KIAA1671: variants seen among roughly 807,000 people sequenced by gnomAD.
KIAA1671 encodes the protein KIAA1671, also known as uncharacterized protein KIAA1671.
KIAA1671 carries 52 observed loss-of-function variants against 131.2 expected under a neutral mutation model. That is an observed-to-expected ratio of 0.40 (90% CI 0.32 to 0.50). KIAA1671 has a LOEUF of 0.50. Among genes scored for constraint, KIAA1671 ranks in the 20% least tolerant of loss-of-function variants. The pLI is 0.73. For synonymous variants in KIAA1671, 1,003 were observed against 961.6 expected, an observed-to-expected ratio of 1.04 and a Z score of -0.80; for missense variants, 2,360 against 2,364.2, an observed-to-expected ratio of 1.00 and a Z score of 0.04.
chr22:25,178,168 C>T (rs905238265), intron 9 of KIAA1671, among the ~76,000 whole-genome samples: 2 of 152,248 alleles, frequency 1.3e-5, no homozygotes. Context: ...CCTCCCCCAC[C>T]GCCGTCCTCC....
Position 25,040,925 on chromosome 22 carries a change from T to C in KIAA1671, c.3795T>C (p.Ser1265=). 5 of 1,493,002 alleles carry C rather than the reference T, an allele frequency of 3.3e-6. No homozygotes were observed. Among genetic ancestry groups the C allele is most frequent in the Non-Finnish European group, 4.5e-6 (5 of 1,121,344 alleles). The allele number at this position is 1,493,002 out of a possible 1,614,324, so 92.5% of individuals were successfully genotyped here. The change falls in exon 5 of 13, where the codon TCT becomes TCC. Residue 1265 remains serine (S), a synonymous_variant. Coordinates refer to ENST00000358431, the MANE Select transcript of KIAA1671 (RefSeq NM_001145206.2). ...GGGGTCTCTGGAAACCGGCCAGTTC[T>C]GCCGAAATAAATCACAGTTTCACTC... ...DTGGLWKPAS[S]AEINHSFTPG...
chr22:25,159,374 C>A (rs1018504993), intron 6 of KIAA1671, among the ~76,000 whole-genome samples: 3 of 152,152 alleles, frequency 2.0e-5, no homozygotes, highest in African/African-American at 7.2e-5. Context: ...CGATGTAGGA[C>A]CTTCCCCGGG....
chr22:25,001,589 T>C lies in KIAA1671; in HGVS notation c.-207-24044T>C, dbSNP rs887903990. 1.3e-5 allele frequency among the ~76,000 whole-genome samples: 2 copies of C among 152,114 alleles called. 1 individual carries two copies. ...GGGGGAGATTGGCCCCAGGGGTAGA[T>C]GCAGGGAAGTGGGGGATGTGGAGAT... is the stretch of plus-strand genomic sequence containing the variant. On this transcript the variant is annotated intron_variant, in intron 1 of 12. Coordinates refer to ENST00000358431, the MANE Select transcript of KIAA1671 (RefSeq NM_001145206.2).
At chr22:24,974,264 G>A (rs757969977) in intron 1 of KIAA1671, among the ~76,000 whole-genome samples, 3 of 152,144 alleles carry the variant, frequency 2.0e-5, no homozygotes, top group South Asian at 2.1e-4. Context: ...CATTGGGCAG[G>A]TCTCACCCCC....
At chr22:25,191,552 A>G (rs577614898) in intron 12 of KIAA1671, among the ~76,000 whole-genome samples, 3 of 152,338 alleles carry the variant, frequency 2.0e-5, no homozygotes, top group Admixed American at 1.3e-4. Flanking sequence ...TTACGATTAG[A>G]TAGGCCCTGG....
intron 1 of KIAA1671, among the ~76,000 whole-genome samples, chr22:24,956,638 G>A (rs1005849233): frequency 6.6e-6 from 1 of 151,662 alleles, no homozygotes; most frequent in Middle Eastern, 3.4e-3. Context: ...AGGCCGAGGC[G>A]GATGGATCAC....
At chr22:25,075,021 T>TCGCC (rs1929030966) in intron 6 of KIAA1671, among the ~76,000 whole-genome samples, 1 of 152,234 alleles carries the variant, frequency 6.6e-6, no homozygotes, top group Non-Finnish European at 1.5e-5. Context: ...TGTATACCCT[T>TCGCC]CGCCCGGTTC....
chr22:24,991,541 G>A (rs1327470417), intron 1 of KIAA1671, among the ~76,000 whole-genome samples: 1 of 148,354 alleles, frequency 6.7e-6, no homozygotes, highest in East Asian at 2.0e-4. Flanking sequence ...ACTGCAAGCT[G>A]TACCTCTGGG....
intron 6 of KIAA1671, among the ~76,000 whole-genome samples, chr22:25,093,743 T>A (rs1256553089): frequency 7.3e-4 from 86 of 118,328 alleles, no homozygotes; most frequent in East Asian, 4.1e-3. Context: ...ACACACTCTC[T>A]CTCTCTCTCT....
At position 24,957,965 on chromosome 22, in the gene KIAA1671, C is replaced by CTTT. The variant is rs140702390; in HGVS notation, c.-208+5212_-208+5214dup. 8.8e-3 allele frequency among the ~76,000 whole-genome samples: 1,010 copies of CTTT among 114,418 alleles called. 25 individuals are homozygous for CTTT. Among genetic ancestry groups the CTTT allele is most frequent in the African/African-American group, 0.03 (848 of 27,808 alleles). The allele number at this position is 114,418 out of a possible 152,430, so 75.1% of individuals were successfully genotyped here. ...AGTGCTGGGATTACAGGCACCCGGC[C>CTTT]TTTTTTTTTTTTTTTTTTTTTAATA... On this transcript the variant is annotated intron_variant, in intron 1 of 12. Transcript: ENST00000358431.
At chr22:25,123,171 G>A (rs553716169) in intron 6 of KIAA1671, among the ~76,000 whole-genome samples, 93 of 146,030 alleles carry the variant, frequency 6.4e-4, no homozygotes, top group African/African-American at 1.9e-3. Flanking sequence ...AGAATACATG[G>A]CATCACTTCT....
At chr22:24,991,642 T>TTC (rs1923846958) in intron 1 of KIAA1671, among the ~76,000 whole-genome samples, 1 of 149,286 alleles carries the variant, frequency 6.7e-6, no homozygotes, top group South Asian at 2.1e-4. Flanking sequence ...TTTTTTTTTT[T>TTC]AGTAGAGACA....
chr22:25,197,355 G>A lies in KIAA1671; in HGVS notation c.*4954G>A, dbSNP rs1228039015. The A allele has an allele frequency of 6.6e-6, 1 of 152,234 alleles. No homozygotes were observed. The highest frequency in any genetic ancestry group is 1.5e-5 in the Non-Finnish European group (1 of 68,050). 9.4% of individuals were successfully genotyped at this position (152,234 alleles called of 1,614,324 possible). A position where few individuals can be genotyped will look rare whatever the true frequency, so the allele number is the denominator to read the frequency against. On this transcript the variant is annotated 3_prime_UTR_variant, in exon 13 of 13. Transcript: ENST00000358431. The stretch of plus-strand genomic sequence containing the variant: ...AGAGCAGTTGGAAATCTGGTCGACT[G>A]CAATAAAACAAGATGACCTTTGCAT...
intron 1 of KIAA1671, among the ~76,000 whole-genome samples, chr22:24,985,488 C>T (rs894659190): frequency 3.0e-4 from 46 of 152,056 alleles, no homozygotes; most frequent in Admixed American, 2.2e-3. Context: ...TACAGGCGCC[C>T]GCCACCGCGC....
intron 6 of KIAA1671, among the ~76,000 whole-genome samples, chr22:25,143,969 G>C (rs759002617): frequency 1.3e-5 from 2 of 151,634 alleles, no homozygotes; most frequent in Non-Finnish European, 2.9e-5. Context: ...CCAGGAGTTC[G>C]AGACCAGCCT....
At chr22:25,098,906 G>A (rs954760952) in intron 6 of KIAA1671, among the ~76,000 whole-genome samples, 1 of 152,210 alleles carries the variant, frequency 6.6e-6, no homozygotes, top group African/African-American at 2.4e-5. Flanking sequence ...AGCAAGGTAT[G>A]TGAGAACAGA....
chr22:24,969,675 A>G (rs1418121518), intron 1 of KIAA1671, among the ~76,000 whole-genome samples: 4 of 152,210 alleles, frequency 2.6e-5, no homozygotes, highest in Non-Finnish European at 4.4e-5. Context: ...CACACTCTGC[A>G]TACATACATA....
intron 9 of KIAA1671, chr22:25,179,460 G>T (rs1424731944): frequency 6.2e-7 from 1 of 1,613,268 alleles, no homozygotes; most frequent in Non-Finnish European, 8.5e-7. Context: ...TCCGCCTGGC[G>T]GCTGAAGTTG....
At chr22:24,995,199 C>T (rs569678250) in intron 1 of KIAA1671, among the ~76,000 whole-genome samples, 34 of 151,526 alleles carry the variant, frequency 2.2e-4, no homozygotes, top group African/African-American at 7.5e-4. Flanking sequence ...TACAAGTGCC[C>T]GCCACCATGC....
Sources: gnomAD v4.1 joint callset for allele counts (sites outside exome capture counted in the v4.1 genomes callset) on GRCh38, gnomAD v4.1.1 for gene constraint, MANE v1.5 for transcripts, NCBI Gene and HGNC (gene_info 2026-07-23, HGNC 2026-07-21) for gene names.